ATXN2L: variants seen among roughly 807,000 people sequenced by gnomAD.
ATXN2L encodes the protein ataxin-2-like protein.
ATXN2L carries 24 observed loss-of-function variants against 120.7 expected under a neutral mutation model. The observed-to-expected ratio is 0.20, with a 90% CI of 0.14 to 0.28. The LOEUF (loss-of-function observed/expected upper bound fraction) is 0.28, where lower values mean the gene tolerates loss of function less well. Among genes scored for constraint, ATXN2L ranks in the 10% least tolerant of loss-of-function variants. The pLI is 1.00. For missense variants in ATXN2L, 1,312 were observed against 1,432.3 expected (o/e 0.92, Z 1.36); for synonymous variants, 653 against 568.1 (o/e 1.15, Z -2.13).
At chr16:28,830,246 TAAA>T (rs372293853) in intron 8 of ATXN2L, among the ~76,000 whole-genome samples, 188 bp downstream of exon 8, 1 of 147,376 alleles carries the variant, frequency 6.8e-6, no homozygotes, top group African/African-American at 2.5e-5. Flanking sequence ...CTTGTAGATC[TAAA>T]AAAAAAAAAT....
Position 28,836,904 on chromosome 16 carries a change from C to G in ATXN2L, c.*639C>G, listed in dbSNP as rs762505587. On this transcript the variant is annotated 3_prime_UTR_variant, in exon 22 of 22. Transcript: ENST00000336783. ...CGTTCCCCAGGGGAGCTGGGGAATT[C>G]CTGCCAAGCACCTTGAATGGGAGGG... The G allele has an allele frequency of 8.8e-6, 9 of 1,024,256 alleles. No individual in the cohort carries two copies. The highest frequency in any genetic ancestry group is 1.3e-5 in the Non-Finnish European group (9 of 688,828). The allele number at this position is 1,024,256 out of a possible 1,614,324, so 63.4% of individuals were successfully genotyped here. A position where few individuals can be genotyped will look rare whatever the true frequency, so the allele number is the denominator to read the frequency against.
intron 10 of ATXN2L, among the ~76,000 whole-genome samples, chr16:28,831,840 A>C (rs2054573635): frequency 6.6e-6 from 1 of 152,218 alleles, no homozygotes; most frequent in South Asian, 2.1e-4. Context: ...AGATGGCATC[A>C]CACCATTGCA....
At chr16:28,825,057 T>TA (rs369989480) in intron 1 of ATXN2L, among the ~76,000 whole-genome samples, 40,657 of 137,558 alleles carry the variant, frequency 0.3, 7,149 homozygotes, top group Non-Finnish European at 0.4. Flanking sequence ...TACTAAAAAT[T>TA]AAAAAAAAAA....
rs2051934880 is a variant in ATXN2L at position 28,826,245 on chromosome 16, A to G, written c.471A>G (p.Glu157=). ...GGGGAATGGGGTGTTTGTAGTTTGA[A>G]CTAGCCGTGGATGCTGTGCACCGGA... ...GIFKTLSSKF[E]LAVDAVHRKA... is the part of the protein sequence containing the mutation. Residue 157 remains glutamate (E), a synonymous_variant, in exon 5 of 22, where the codon GAA becomes GAG. Transcript: ENST00000336783. The G allele has an allele frequency of 1.2e-6, 2 of 1,614,010 alleles. No individual in the cohort carries two copies. Among genetic ancestry groups the G allele is most frequent in the South Asian group, 2.2e-5 (2 of 91,084 alleles).
chr16:28,826,736 G>T, intron 5 of ATXN2L, 126 bp from the exon 6 acceptor site: 1 of 1,194,916 alleles, frequency 8.4e-7, no homozygotes, highest in Non-Finnish European at 1.1e-6. Context: ...CTAACACACG[G>T]GCACACGTAC....
chr16:28,827,134 G>A, intron 6 of ATXN2L, 148 bp downstream of exon 6: 1 of 938,420 alleles, frequency 1.1e-6, no homozygotes, highest in Non-Finnish European at 1.4e-6. Flanking sequence ...AAATAGCAAA[G>A]TAAAAATATC....
Position 28,832,569 on chromosome 16 carries a change from T to C in ATXN2L, c.1588+2T>C. The C allele has an allele frequency of 6.2e-7, 1 of 1,613,550 alleles. No individual in the cohort carries two copies. Among genetic ancestry groups the C allele is most frequent in the South Asian group, 1.1e-5 (1 of 91,060 alleles). On this transcript the variant is annotated splice_donor_variant, in intron 12 of 21. Transcript: ENST00000336783. LOFTEE classifies it high-confidence loss of function. ...AGCTGGCTCGGATAGCTGGGAAAGG[T>C]GAGGGTGGTTTTTTTTCTGCTGAGG... is the stretch of plus-strand genomic sequence containing the variant.
intron 10 of ATXN2L, among the ~76,000 whole-genome samples, chr16:28,831,621 C>T (rs2054471015): frequency 6.6e-6 from 1 of 152,206 alleles, no homozygotes; most frequent in Non-Finnish European, 1.5e-5. Flanking sequence ...AGCCACCACA[C>T]CCTGCCAGTT....
Position 28,830,650 on chromosome 16 carries a change from G to A in ATXN2L, c.1070G>A (p.Arg357Gln), listed in dbSNP as rs774945756. 1.2e-6 allele frequency: 2 copies of A among 1,610,644 alleles called. No homozygotes were observed. The highest frequency in any genetic ancestry group is 1.7e-6 in the Non-Finnish European group (2 of 1,178,626). ...TATATCCCTCTGCCTCAACGAGTCCGGGAAGGTCCCCGGGGAGGAGTTCGA... is the reference window on the plus strand; with the variant it reads ...TATATCCCTCTGCCTCAACGAGTCCAGGAAGGTCCCCGGGGAGGAGTTCGA... ...GKYIPLPQRVREGPRGGVRCS... is the reference protein window; with the variant it reads ...GKYIPLPQRVQEGPRGGVRCS... The change falls in exon 9 of 22, where the codon CGG becomes CAG. Residue 357 changes from arginine (R) to glutamine (Q), a missense_variant. By Grantham distance (43) the Arg-to-Gln change is conservative. Coordinates refer to ENST00000336783, the MANE Select transcript of ATXN2L (RefSeq NM_007245.4).
intron 1 of ATXN2L, chr16:28,824,464 G>A (rs952578269): frequency 7.8e-7 from 1 of 1,287,582 alleles, no homozygotes; most frequent in Non-Finnish European, 1.0e-6. Flanking sequence ...CCCGCCAGCG[G>A]CCCCCTCTTC....
chr16:28,826,209 C>G, intron 4 of ATXN2L, 31 bp from the exon 5 acceptor site: 2 of 1,611,288 alleles, frequency 1.2e-6, no homozygotes, highest in South Asian at 2.2e-5. Flanking sequence ...TTGAAACTGA[C>G]CCATGGGTGT....
chr16:28,828,379 G>T (rs1370306759), intron 6 of ATXN2L, among the ~76,000 whole-genome samples: 1 of 152,112 alleles, frequency 6.6e-6, no homozygotes, highest in East Asian at 1.9e-4. Context: ...CTGAGGTTGG[G>T]AGTTTGGAAC....
chr16:28,826,520 T>A (rs2151952425), intron 5 of ATXN2L, 130 bp downstream of exon 5: 15 of 1,108,526 alleles, frequency 1.4e-5, no homozygotes, highest in Non-Finnish European at 1.8e-5. Context: ...TTTGCTTTAA[T>A]GCCTTTTTTT....
At position 28,836,351 on chromosome 16, in the gene ATXN2L, TCGC is replaced by T. The variant is rs1281558854; in HGVS notation, c.*94_*96del. The T allele has an allele frequency of 1.9e-6, 3 of 1,613,364 alleles. No homozygotes were observed. Among genetic ancestry groups the T allele is most frequent in the Non-Finnish European group, 1.7e-6 (2 of 1,179,822 alleles). ...TATGTAGGGTGGGCAGAAGCCACAG[TCGC>T]CGCCGCCAGGGGCTTGCTCCTGGCT... On this transcript the variant is annotated 3_prime_UTR_variant, in exon 22 of 22. Transcript: ENST00000336783.
intron 5 of ATXN2L, 97 bp from the exon 6 acceptor site, chr16:28,826,765 T>C (rs2052232541): frequency 1.4e-6 from 2 of 1,396,746 alleles, no homozygotes; most frequent in South Asian, 1.8e-5. Flanking sequence ...TCTTAAACTT[T>C]GTTCCTGAAC....
At position 28,835,980 on chromosome 16, in the gene ATXN2L, G is replaced by C. The variant is rs1486154376; in HGVS notation, c.2943G>C (p.Gly981=). Residue 981 remains glycine (G), a synonymous_variant, in exon 22 of 22, where the codon GGG becomes GGC. Transcript: ENST00000336783. The stretch of plus-strand genomic sequence containing the variant: ...CAGCAGCCCCGCCCCCTCACCCTGG[G>C]GCTCCCCACCCGCCCCAGGTGATGC... ...GITAAPPPHP[G]APHPPQVMLL... 1.3e-6 allele frequency: 2 copies of C among 1,544,922 alleles called. No individual in the cohort carries two copies. Among genetic ancestry groups the C allele is most frequent in the African/African-American group, 2.8e-5 (2 of 72,516 alleles).
chr16:28,834,570 C>A lies in ATXN2L; in HGVS notation c.2310C>A (p.Ala770=). The change falls in exon 18 of 22, where the codon GCC becomes GCA. Residue 770 remains alanine, a synonymous_variant. Coordinates refer to ENST00000336783, the MANE Select transcript of ATXN2L (RefSeq NM_007245.4). ...CCTCAGCCCCGCCGATGATGCAGGC[C>A]GCCGCGGCTGCTGGCCCGCCTCTGG... ...QPASAPPMMQ[A]AAAAGPPLVA... The A allele has an allele frequency of 6.2e-7, 1 of 1,612,656 alleles. No homozygotes were observed. The highest frequency in any genetic ancestry group is 1.1e-5 in the South Asian group (1 of 91,052).
In ATXN2L at chr16:28,832,381, T is replaced by C; in HGVS notation, c.1498T>C (p.Ser500Pro). Reference sequence around the variant, plus strand: ...CATTTCTCCAGCTTCTCCAAAGATCTCCCTGGCCCCCACAGATGGTAAGAG... The same window carrying C: ...CATTTCTCCAGCTTCTCCAAAGATCCCCCTGGCCCCCACAGATGGTAAGAG... The part of the protein sequence containing the change: ...GSISPASPKI[S>P]LAPTDVKELS... The change falls in exon 11 of 22, where the codon TCC becomes CCC. Residue 500 changes from serine to proline, a missense_variant. Physicochemically the swap from Ser to Pro is moderately conservative, Grantham distance 74. Coordinates refer to ENST00000336783, the MANE Select transcript of ATXN2L (RefSeq NM_007245.4). 6.2e-7 allele frequency: 1 copy of C among 1,614,166 alleles called. No individual in the cohort carries two copies. Among genetic ancestry groups the C allele is most frequent in the Non-Finnish European group, 8.5e-7 (1 of 1,180,020 alleles).
At chr16:28,825,520 G>C in intron 2 of ATXN2L, 104 bp from the exon 3 acceptor site, 2 of 1,534,254 alleles carry the variant, frequency 1.3e-6, no homozygotes, top group African/African-American at 1.4e-5. Flanking sequence ...CTGTGGGCCC[G>C]GCACACACAA....
Sources: allele counts gnomAD v4.1 joint callset (sites outside exome capture counted in the v4.1 genomes callset), GRCh38; gene constraint gnomAD v4.1.1; transcripts MANE v1.5; gene names NCBI Gene and HGNC (gene_info 2026-07-23, HGNC 2026-07-21).